Variants in NSD3 observed in about 807,000 individuals in gnomAD.
The protein encoded by NSD3 is nuclear receptor binding SET domain protein 3, also known as histone-lysine N-methyltransferase NSD3.
A neutral mutation model predicts 160.8 loss-of-function variants in NSD3; 24 were observed. The observed-to-expected ratio is 0.15, with a 90% CI of 0.11 to 0.21. The LOEUF is 0.21. Among genes scored for constraint, NSD3 ranks in the 10% least tolerant of loss-of-function variants. The pLI is 1.00. For missense variants in NSD3, 1,157 were observed against 1,735.9 expected, an observed-to-expected ratio of 0.67 and a Z score of 5.93; for synonymous variants, 520 against 600.0, an observed-to-expected ratio of 0.87 and a Z score of 1.95.
At chr8:38,333,638 C>A (rs576593345) in intron 4 of NSD3, among the ~76,000 whole-genome samples, 1 of 151,988 alleles carries the variant, frequency 6.6e-6, no homozygotes, top group Non-Finnish European at 1.5e-5. Flanking sequence ...GAGGCCGAGG[C>A]GGGTGGATCA....
At chr8:38,359,932 A>G (rs934057035) in intron 1 of NSD3, among the ~76,000 whole-genome samples, 5 of 152,176 alleles carry the variant, frequency 3.3e-5, no homozygotes, top group African/African-American at 1.2e-4. Context: ...TTATCCAAAA[A>G]GTTTGAACCA....
At chr8:38,377,930 C>CA (rs903131224) in intron 1 of NSD3, among the ~76,000 whole-genome samples, 21 of 151,546 alleles carry the variant, frequency 1.4e-4, no homozygotes, top group African/African-American at 4.4e-4. Flanking sequence ...AAAACTATCT[C>CA]AAAAAACAAA....
At chr8:38,303,714 A>G (rs532647099) in intron 14 of NSD3, among the ~76,000 whole-genome samples, 14 of 152,386 alleles carry the variant, frequency 9.2e-5, no homozygotes, top group African/African-American at 3.4e-4. Context: ...TTTCATGTTC[A>G]GTATGGTCTA....
In NSD3 at chr8:38,275,383, C is replaced by T; in HGVS notation, c.*258G>A. 1 of 395,744 alleles carries T rather than the reference C, an allele frequency of 2.5e-6. No individual in the cohort carries two copies. The highest frequency in any genetic ancestry group is 4.5e-6 in the Non-Finnish European group (1 of 221,596). The allele number at this position is 395,744 out of a possible 1,614,324, so 24.5% of individuals were successfully genotyped here. ...GCAAAAACATTTCTTTTTCAAGCTG[C>T]AATGGCACTGAAGCACAATAAAAGG... On this transcript the variant is annotated 3_prime_UTR_variant, in exon 24 of 24. Coordinates refer to ENST00000317025, the MANE Select transcript of NSD3 (RefSeq NM_023034.2).
At position 38,317,798 on chromosome 8, in the gene NSD3, C is replaced by A; in HGVS notation, c.1855+1097G>T. 6.9e-7 allele frequency: 1 copy of A among 1,442,312 alleles called. No homozygotes were observed. The allele number at this position is 1,442,312 out of a possible 1,614,324, so 89.3% of individuals were successfully genotyped here. A position where few individuals can be genotyped will look rare whatever the true frequency, so the allele number is the denominator to read the frequency against. On this transcript the variant is annotated intron_variant, in intron 9 of 23. Transcript: ENST00000317025. The surrounding 1 kb of genome is among the most constrained non-coding windows in gnomAD (Gnocchi z 5.3). ...TCATTTGACTGTTAAAGCAATTGTTCAGAGTCTTGAAGAAGAAACCAGGCA... is the reference window on the plus strand; with the variant it reads ...TCATTTGACTGTTAAAGCAATTGTTAAGAGTCTTGAAGAAGAAACCAGGCA...
At chr8:38,303,350 C>T in intron 14 of NSD3, 1 of 985,426 alleles carries the variant, frequency 1.0e-6, no homozygotes, top group Non-Finnish European at 1.2e-6. Context: ...TTCAGACCTA[C>T]TCCTCCATGA....
chr8:38,347,573 C>G lies in NSD3; in HGVS notation c.599G>C (p.Ser200Thr). 1 of 1,613,996 alleles carries G rather than the reference C, an allele frequency of 6.2e-7. No homozygotes were observed. Among genetic ancestry groups the G allele is most frequent in the Non-Finnish European group, 8.5e-7 (1 of 1,179,998 alleles). Residue 200 changes from serine (S) to threonine (T), a missense_variant, in exon 2 of 24, where the codon AGC becomes ACC. Physicochemically the swap from Ser to Thr is moderately conservative, Grantham distance 58. Transcript: ENST00000317025. ...AGATCTTGATGAGTCATGCTTGTTG[C>G]TTTTTTTCCTCTTTTCTTTTCTGCT... ...HESRKEKRKKSNKHDSSRSEE... is the reference protein window; with the variant it reads ...HESRKEKRKKTNKHDSSRSEE...
chr8:38,279,726 T>C (rs1292847331), intron 20 of NSD3, 45 bp from the exon 21 acceptor site: 1 of 1,579,966 alleles, frequency 6.3e-7, no homozygotes, highest in African/African-American at 1.3e-5. Flanking sequence ...ATTAAGTCTC[T>C]CCCAGAAACA....
chr8:38,366,546 TG>T (rs1811112247), intron 1 of NSD3, among the ~76,000 whole-genome samples: 1 of 151,930 alleles, frequency 6.6e-6, no homozygotes, highest in African/African-American at 2.4e-5. Flanking sequence ...CGTGAGTAGC[TG>T]GGACTACAGG....
chr8:38,323,056 C>A (rs2150372489), intron 7 of NSD3, among the ~76,000 whole-genome samples: 1 of 152,052 alleles, frequency 6.6e-6, no homozygotes, highest in South Asian at 2.1e-4. Context: ...TTTTTCTTTT[C>A]TTTTCTTTTC....
At chr8:38,342,464 CTTT>C (rs943123010) in intron 2 of NSD3, among the ~76,000 whole-genome samples, 4 of 152,076 alleles carry the variant, frequency 2.6e-5, no homozygotes, top group African/African-American at 9.7e-5. Context: ...GTATATACCA[CTTT>C]TTTACATTTT....
In NSD3 at chr8:38,288,376, C is replaced by A; in HGVS notation, c.3501+111G>T. ...AAACTCTCAACATGGAAAGTTTTAA[C>A]ATTTTACCACAAATTCCTGCTGATT... On this transcript the variant is annotated intron_variant, in intron 19 of 23. Coordinates refer to ENST00000317025, the MANE Select transcript of NSD3 (RefSeq NM_023034.2). The surrounding 1 kb of genome is among the most constrained non-coding windows in gnomAD (Gnocchi z 4.5). 6.9e-7 allele frequency: 1 copy of A among 1,446,390 alleles called. No individual in the cohort carries two copies. Among genetic ancestry groups the A allele is most frequent in the African/African-American group, 1.4e-5 (1 of 70,334 alleles). 89.6% of individuals were successfully genotyped at this position (1,446,390 alleles called of 1,614,324 possible).
chr8:38,337,522 T>A, intron 3 of NSD3, 55 bp from the exon 4 acceptor site: 2 of 1,371,162 alleles, frequency 1.5e-6, no homozygotes, highest in Non-Finnish European at 1.9e-6. Flanking sequence ...AAACTATGTA[T>A]AAAGTACATT....
chr8:38,338,748 G>A lies in NSD3; in HGVS notation c.676-141C>T, dbSNP rs893156793. ...ATTTATTAACTGAACAATGTAAGGAGTAAGAATACAACTTACTCAATACCT... is the reference window on the plus strand; with the variant it reads ...ATTTATTAACTGAACAATGTAAGGAATAAGAATACAACTTACTCAATACCT... On this transcript the variant is annotated intron_variant, in intron 2 of 23. Coordinates refer to ENST00000317025, the MANE Select transcript of NSD3 (RefSeq NM_023034.2). 33 of 672,314 alleles carry A rather than the reference G, an allele frequency of 4.9e-5. 1 individual carries two copies. The South Asian group carries it at 5.6e-4, about 11-fold the overall frequency. 41.6% of individuals were successfully genotyped at this position (672,314 alleles called of 1,614,324 possible).
At chr8:38,332,613 A>T (rs1810091101) in intron 4 of NSD3, among the ~76,000 whole-genome samples, 1 of 152,206 alleles carries the variant, frequency 6.6e-6, no homozygotes, top group Non-Finnish European at 1.5e-5. Flanking sequence ...GTCTGGGACA[A>T]AAGTAAGTAC....
intron 12 of NSD3, among the ~76,000 whole-genome samples, chr8:38,313,590 C>G (rs1163175722): frequency 6.6e-6 from 1 of 151,862 alleles, no homozygotes; most frequent in African/African-American, 2.4e-5. Context: ...AAATCGAGAC[C>G]ATCCTGGCTA....
In NSD3 at chr8:38,316,429, A is replaced by G. The variant is rs917210967; in HGVS notation, c.1856-387T>C. 2 of 1,046,974 alleles carry G rather than the reference A, an allele frequency of 1.9e-6. No individual in the cohort carries two copies. The highest frequency in any genetic ancestry group is 2.3e-6 in the Non-Finnish European group (2 of 867,280). 64.9% of individuals were successfully genotyped at this position (1,046,974 alleles called of 1,614,324 possible). ...CCAACACACTGTGTAGCTTACAAAT[A>G]TGGTTGCAGAGACATCTCCATCTTG... On this transcript the variant is annotated intron_variant, in intron 9 of 23. Transcript: ENST00000317025. This position sits in a 1 kb window ranked among gnomAD's most constrained non-coding sequence, Gnocchi z 4.5.
intron 12 of NSD3, among the ~76,000 whole-genome samples, chr8:38,313,994 A>G (rs982579238): frequency 6.9e-6 from 1 of 145,184 alleles, no homozygotes; most frequent in Non-Finnish European, 1.6e-5. Flanking sequence ...GCTAAAACAA[A>G]GCAAAACAAA....
At chr8:38,276,794 CTT>C (rs1383268485) in intron 22 of NSD3, 2 of 390,442 alleles carry the variant, frequency 5.1e-6, no homozygotes, top group Non-Finnish European at 9.4e-6. Context: ...AAGCAATCCT[CTT>C]GTCTCAGCCT....
Sources: gnomAD v4.1 joint callset for allele counts (sites outside exome capture counted in the v4.1 genomes callset) on GRCh38, gnomAD v4.1.1 for gene constraint, Gnocchi (gnomAD v3.1) non-coding constraint, MANE v1.5 for transcripts, NCBI Gene and HGNC (gene_info 2026-07-23, HGNC 2026-07-21) for gene names.